GSAP: variants seen among roughly 807,000 people sequenced by gnomAD.
GSAP encodes gamma-secretase activating protein, also known as gamma-secretase-activating protein.
In GSAP, 118 loss-of-function variants were observed where a neutral mutation model predicts 131.7. The observed-to-expected ratio is 0.90, with a 90% CI of 0.77 to 1.04. The LOEUF (loss-of-function observed/expected upper bound fraction) is 1.04, where lower values mean the gene tolerates loss of function less well. Among genes scored for constraint, GSAP ranks in the 50% least tolerant of loss-of-function variants. The pLI is 0.00. For missense variants in GSAP, 1,019 were observed against 1,013.2 expected (o/e 1.01, Z -0.08); for synonymous variants, 381 against 363.4 (o/e 1.05, Z -0.55).
At chr7:77,416,351 G>A, upstream of GSAP, 1 of 1,366,442 alleles carries the variant, frequency 7.3e-7, no homozygotes, top group South Asian at 1.4e-5. Context: ...GGCGGCTCTG[G>A]GGCCCCGCAC....
At chr7:77,384,741 G>C (rs1798307425) in intron 6 of GSAP, among the ~76,000 whole-genome samples, 1 of 152,112 alleles carries the variant, frequency 6.6e-6, no homozygotes, top group African/African-American at 2.4e-5. Flanking sequence ...CAGAGTTAGG[G>C]AAATGTGCTG....
At chr7:77,314,580 A>G in intron 26 of GSAP, 91 bp from the exon 27 acceptor site, 2 of 1,426,384 alleles carry the variant, frequency 1.4e-6, no homozygotes, top group Non-Finnish European at 1.9e-6. Flanking sequence ...TAAAGCACTT[A>G]GTTCAGTGCT....
intron 1 of GSAP, among the ~76,000 whole-genome samples, 177 bp downstream of exon 1, chr7:77,416,036 G>A (rs1016837549): frequency 2.0e-4 from 31 of 152,332 alleles, no homozygotes; most frequent in Non-Finnish European, 4.3e-4. Context: ...ACCTTCCGCC[G>A]TGGCTGGGTG....
chr7:77,377,261 AGTGCCC>A lies in GSAP; in HGVS notation c.681+19_681+24del. On this transcript the variant is annotated intron_variant, in intron 9 of 30. Coordinates refer to ENST00000257626, the MANE Select transcript of GSAP (RefSeq NM_017439.4). ...GTAAAAAAAAAAAAAAAAAAAAAGGAGTGCCCGTGAACTAGTTTTTTTACCTTCAGG... is the reference window on the plus strand; with the variant it reads ...GTAAAAAAAAAAAAAAAAAAAAAGGAGTGAACTAGTTTTTTTACCTTCAGG... 1 of 1,156,432 alleles carries A rather than the reference AGTGCCC, an allele frequency of 8.6e-7. No individual in the cohort carries two copies. Among genetic ancestry groups the A allele is most frequent in the Non-Finnish European group, 1.2e-6 (1 of 856,068 alleles). The allele number at this position is 1,156,432 out of a possible 1,614,324, so 71.6% of individuals were successfully genotyped here. A position where few individuals can be genotyped will look rare whatever the true frequency, so the allele number is the denominator to read the frequency against.
intron 16 of GSAP, 105 bp downstream of exon 16, chr7:77,355,108 T>A: frequency 1.4e-6 from 1 of 728,598 alleles, no homozygotes; most frequent in Non-Finnish European, 2.3e-6. Flanking sequence ...CACACCTCAA[T>A]TAATTGTTAC....
Position 77,311,307 on chromosome 7 carries a change from T to A in GSAP, c.*51A>T, listed in dbSNP as rs770890490. ...TTAAAGAATTCTCAAAGGAGTAAGG[T>A]TAATGAGCAAGATTAAAATGGCAGC... is the stretch of plus-strand genomic sequence containing the variant. On this transcript the variant is annotated 3_prime_UTR_variant, in exon 31 of 31. Coordinates refer to ENST00000257626, the MANE Select transcript of GSAP (RefSeq NM_017439.4). The A allele has an allele frequency of 2.0e-6, 2 of 1,018,414 alleles. No homozygotes were observed. The highest frequency in any genetic ancestry group is 2.0e-4 in the Middle Eastern group (1 of 4,882). 63.1% of individuals were successfully genotyped at this position (1,018,414 alleles called of 1,614,324 possible).
intron 6 of GSAP, among the ~76,000 whole-genome samples, chr7:77,383,595 C>A (rs1798100138): frequency 6.6e-6 from 1 of 152,150 alleles, no homozygotes; most frequent in African/African-American, 2.4e-5. Context: ...TGTGCTCTCC[C>A]ATATAAGCCC....
At chr7:77,338,612 C>T (rs1790398281) in intron 19 of GSAP, among the ~76,000 whole-genome samples, 1 of 152,158 alleles carries the variant, frequency 6.6e-6, no homozygotes, top group Admixed American at 6.5e-5. Context: ...CCTAGACTGC[C>T]ATGTGTTCGC....
At chr7:77,360,970 T>A in intron 13 of GSAP, 69 bp from the exon 14 acceptor site, 1 of 840,118 alleles carries the variant, frequency 1.2e-6, no homozygotes, top group Non-Finnish European at 2.1e-6. Flanking sequence ...AGGCAGTGAC[T>A]ATGTAACACA....
At chr7:77,371,717 G>A (rs1726575) in intron 12 of GSAP, among the ~76,000 whole-genome samples, 62,934 of 152,030 alleles carry the variant, frequency 0.41, 14,309 homozygotes, top group Middle Eastern at 0.53. Context: ...GATTACAGGC[G>A]TGAGCCACCG....
At chr7:77,318,297 G>A (rs1274538651) in intron 26 of GSAP, among the ~76,000 whole-genome samples, 1 of 152,128 alleles carries the variant, frequency 6.6e-6, no homozygotes, top group African/African-American at 2.4e-5. Flanking sequence ...AAAAATGGTT[G>A]GGCACTGACA....
intron 14 of GSAP, among the ~76,000 whole-genome samples, chr7:77,360,000 G>T (rs573112620): frequency 8.5e-5 from 13 of 152,276 alleles, no homozygotes; most frequent in African/African-American, 2.9e-4. Flanking sequence ...CCCACTCAGC[G>T]TAAGTATCCA....
intron 18 of GSAP, among the ~76,000 whole-genome samples, chr7:77,351,931 A>C (rs1187067263): frequency 1.3e-5 from 2 of 152,180 alleles, no homozygotes; most frequent in African/African-American, 4.8e-5. Context: ...CAGGGTCTGC[A>C]TGTCTATTCA....
At chr7:77,379,876 C>G in intron 8 of GSAP, 1 of 984,824 alleles carries the variant, frequency 1.0e-6, no homozygotes, top group South Asian at 4.7e-5. Flanking sequence ...AGCCAGGCTT[C>G]TTGATTTGAG....
At chr7:77,356,335 C>G (rs1225620997) in intron 14 of GSAP, among the ~76,000 whole-genome samples, 1 of 152,158 alleles carries the variant, frequency 6.6e-6, no homozygotes, top group Non-Finnish European at 1.5e-5. Context: ...ATAAAAATAT[C>G]AAGCAACACG....
At chr7:77,379,501 T>G (rs1401049325) in intron 8 of GSAP, among the ~76,000 whole-genome samples, 1 of 152,066 alleles carries the variant, frequency 6.6e-6, no homozygotes, top group South Asian at 2.1e-4. Flanking sequence ...AGCTGCACCA[T>G]CCTGAATTGC....
intron 19 of GSAP, among the ~76,000 whole-genome samples, chr7:77,340,629 C>T (rs997546424): frequency 6.6e-6 from 1 of 152,144 alleles, no homozygotes; most frequent in Admixed American, 6.5e-5. Context: ...ACATTTTATC[C>T]GTGGACCCAA....
intron 1 of GSAP, among the ~76,000 whole-genome samples, chr7:77,407,481 A>G (rs891291051): frequency 6.6e-6 from 1 of 152,200 alleles, no homozygotes; most frequent in Non-Finnish European, 1.5e-5. Context: ...GATATTTATC[A>G]TATTACTATT....
At chr7:77,379,623 C>T (rs1200021226) in intron 8 of GSAP, among the ~76,000 whole-genome samples, 1 of 152,058 alleles carries the variant, frequency 6.6e-6, no homozygotes, top group African/African-American at 2.4e-5. Flanking sequence ...CCAGCCAGTC[C>T]CCTGTCTATG....
Sources: gnomAD v4.1 joint callset for allele counts (sites outside exome capture counted in the v4.1 genomes callset) on GRCh38, gnomAD v4.1.1 for gene constraint, MANE v1.5 for transcripts, NCBI Gene and HGNC (gene_info 2026-07-23, HGNC 2026-07-21) for gene names.